Variants in RFX8 observed in about 807,000 individuals in gnomAD.
The protein encoded by RFX8 is regulatory factor X8.
Under a neutral mutation model 54.6 loss-of-function variants are expected in RFX8, and 46 were observed. The ratio of observed to expected loss-of-function variants is 0.84; its 90% CI spans 0.67 to 1.08. The LOEUF is 1.08. RFX8 is among the 50% of genes least tolerant of loss of function. The probability of loss-of-function intolerance (pLI) is 0.00; values close to 1 mark genes in which losing one functional copy is unlikely to be tolerated. For synonymous variants in RFX8, 192 were observed against 209.5 expected, an observed-to-expected ratio of 0.92 and a Z score of 0.72; for missense variants, 536 against 562.3, an observed-to-expected ratio of 0.95 and a Z score of 0.47.
intron 1 of RFX8, among the ~76,000 whole-genome samples, chr2:101,467,747 G>A (rs1288536340): frequency 6.6e-6 from 1 of 152,046 alleles, no homozygotes; most frequent in Non-Finnish European, 1.5e-5. Flanking sequence ...ACAGCCAGGC[G>A]CCTATTCCAG....
At chr2:101,401,223 G>T (rs1685425822) in intron 11 of RFX8, among the ~76,000 whole-genome samples, 1 of 152,218 alleles carries the variant, frequency 6.6e-6, no homozygotes, top group Non-Finnish European at 1.5e-5. Flanking sequence ...TACAGATAGA[G>T]AACTGGTAAA....
intron 10 of RFX8, among the ~76,000 whole-genome samples, chr2:101,403,454 T>TA: frequency 6.6e-6 from 1 of 152,170 alleles, no homozygotes; most frequent in East Asian, 1.9e-4. Flanking sequence ...AGATAAGTTT[T>TA]AAATAAAGGT....
intron 6 of RFX8, among the ~76,000 whole-genome samples, chr2:101,416,152 C>T (rs1686494874): frequency 6.6e-6 from 1 of 150,562 alleles, no homozygotes; most frequent in African/African-American, 2.4e-5. Flanking sequence ...TGATTAATTG[C>T]TGCTTTAGAA....
chr2:101,470,404 T>G (rs1306418440), intron 1 of RFX8, among the ~76,000 whole-genome samples: 1 of 152,172 alleles, frequency 6.6e-6, no homozygotes, highest in African/African-American at 2.4e-5. Flanking sequence ...AGAGACCGAT[T>G]GGGGACTGGC....
chr2:101,433,588 A>G (rs765331637), intron 2 of RFX8, among the ~76,000 whole-genome samples: 8 of 152,210 alleles, frequency 5.3e-5, no homozygotes, highest in Non-Finnish European at 1.0e-4. Context: ...TTTTAGTCTA[A>G]CTACAATTTG....
intron 4 of RFX8, among the ~76,000 whole-genome samples, chr2:101,420,502 C>CTGGAGGT (rs1686804644): frequency 2.0e-5 from 3 of 152,064 alleles, no homozygotes; most frequent in African/African-American, 7.3e-5. Context: ...GAGATCGCAC[C>CTGGAGGT]ACTGAACTCC....
intron 6 of RFX8, 140 bp from the exon 7 acceptor site, chr2:101,415,052 C>A (rs1686412973): frequency 1.6e-6 from 1 of 640,428 alleles, no homozygotes; most frequent in Non-Finnish European, 2.8e-6. Context: ...TGTCTGCTGG[C>A]CCTCTCTGAG....
At chr2:101,406,583 C>G (rs1225002252) in intron 9 of RFX8, among the ~76,000 whole-genome samples, 1 of 152,094 alleles carries the variant, frequency 6.6e-6, no homozygotes, top group African/African-American at 2.4e-5. Flanking sequence ...TCAAGTGATC[C>G]TCCTGTCTCG....
At chr2:101,439,347 C>T (rs1337536924) in intron 2 of RFX8, among the ~76,000 whole-genome samples, 3 of 152,128 alleles carry the variant, frequency 2.0e-5, no homozygotes, top group African/African-American at 7.2e-5. Flanking sequence ...TCTTTCCCTC[C>T]TCTTCACATG....
At chr2:101,412,740 G>T (rs750742829) in intron 8 of RFX8, among the ~76,000 whole-genome samples, 175 bp downstream of exon 8, 1 of 152,184 alleles carries the variant, frequency 6.6e-6, no homozygotes, top group Non-Finnish European at 1.5e-5. Context: ...GGGACAGGGC[G>T]TCCCCTGGGG....
chr2:101,470,796 T>C (rs1336789953), intron 1 of RFX8, among the ~76,000 whole-genome samples: 5 of 145,612 alleles, frequency 3.4e-5, no homozygotes, highest in Admixed American at 6.9e-5. Context: ...CTCGGCTTAA[T>C]GCAAGCTCCG....
intron 1 of RFX8, among the ~76,000 whole-genome samples, chr2:101,468,478 C>T (rs528498371): frequency 2.0e-5 from 3 of 151,992 alleles, no homozygotes; most frequent in Admixed American, 6.6e-5. Flanking sequence ...TTAGTAGAGA[C>T]GGGGTTTTGC....
At chr2:101,439,716 A>AT (rs35253629) in intron 2 of RFX8, among the ~76,000 whole-genome samples, 2,564 of 144,712 alleles carry the variant, frequency 0.018, 24 homozygotes, top group Middle Eastern at 0.032. Flanking sequence ...ATTTAAGTAG[A>AT]TTTTTTTTTT....
chr2:101,405,698 G>C (rs1484098592), intron 10 of RFX8, among the ~76,000 whole-genome samples: 1 of 152,108 alleles, frequency 6.6e-6, no homozygotes, highest in Non-Finnish European at 1.5e-5. Context: ...AGAACAAGGA[G>C]AGTGTGTCTA....
chr2:101,402,120 A>G (rs1685471061), intron 11 of RFX8, among the ~76,000 whole-genome samples: 1 of 152,238 alleles, frequency 6.6e-6, no homozygotes. Context: ...CATGCCACTC[A>G]GACGTTAGTG....
At chr2:101,449,879 G>C (rs1244781269) in intron 2 of RFX8, among the ~76,000 whole-genome samples, 2 of 152,160 alleles carry the variant, frequency 1.3e-5, no homozygotes, top group African/African-American at 4.8e-5. Flanking sequence ...AGGAGACCAA[G>C]GATTCAGGGC....
intron 2 of RFX8, chr2:101,434,991 G>A (rs1687695359): frequency 6.6e-6 from 1 of 152,320 alleles, no homozygotes; most frequent in African/African-American, 2.4e-5. Flanking sequence ...AGACCCCTCT[G>A]AAAGAACCAC....
Position 101,402,610 on chromosome 2 carries a change from G to A in RFX8, c.1071C>T (p.Asp357=). 1 of 1,552,162 alleles carries A rather than the reference G, an allele frequency of 6.4e-7. No individual in the cohort carries two copies. Reference sequence around the variant, plus strand: ...AATTCAGAGAATGGAAAAGTGCCTGGTCTGGCTGGCCGAGAGTCGGGTCAT... The same window carrying A: ...AATTCAGAGAATGGAAAAGTGCCTGATCTGGCTGGCCGAGAGTCGGGTCAT... ...LPDDPTLGQP[D]QALFHSLNSS... Residue 357 remains aspartate (D), a synonymous_variant, in exon 11 of 12, where the codon GAC becomes GAT. Transcript: ENST00000428343.
chr2:101,445,501 TC>T (rs1476028625), intron 2 of RFX8, among the ~76,000 whole-genome samples: 1 of 151,866 alleles, frequency 6.6e-6, no homozygotes, highest in Non-Finnish European at 1.5e-5. Flanking sequence ...CAGGTTACTC[TC>T]CCACCTCAGC....
Sources: allele counts gnomAD v4.1 joint callset (sites outside exome capture counted in the v4.1 genomes callset), GRCh38; gene constraint gnomAD v4.1.1; transcripts MANE v1.5; gene names NCBI Gene and HGNC (gene_info 2026-07-23, HGNC 2026-07-21).